Variants in EXT2 observed in about 807,000 individuals in gnomAD.
The protein encoded by EXT2 is exostosin-2.
In EXT2, 53 loss-of-function variants were observed where a neutral mutation model predicts 81.6. The observed-to-expected ratio is 0.65, with a 90% confidence interval of 0.52 to 0.82. The LOEUF is 0.82. Ranked by LOEUF, EXT2 falls within the 40% of genes least tolerant of loss-of-function variation. The pLI is 0.00. For synonymous variants in EXT2, 320 were observed against 340.0 expected, an observed-to-expected ratio of 0.94 and a Z score of 0.65; for missense variants, 774 against 910.2, an observed-to-expected ratio of 0.85 and a Z score of 1.93.
chr11:44,226,842 C>A (rs1188764088), intron 10 of EXT2, among the ~76,000 whole-genome samples: 1 of 152,256 alleles, frequency 6.6e-6, no homozygotes, highest in East Asian at 1.9e-4. Flanking sequence ...AGCTCTGTTG[C>A]ACTTTAATGG....
chr11:44,186,104 A>G (rs1043384725), intron 8 of EXT2, among the ~76,000 whole-genome samples: 2 of 152,234 alleles, frequency 1.3e-5, no homozygotes, highest in East Asian at 1.9e-4. Context: ...TAGCAGGTCC[A>G]AGGATGATGA....
intron 7 of EXT2, among the ~76,000 whole-genome samples, chr11:44,142,893 G>C (rs1463157066): frequency 6.6e-6 from 1 of 152,206 alleles, no homozygotes; most frequent in Non-Finnish European, 1.5e-5. Context: ...TGCCTAGCAA[G>C]CTATAAATGA....
intron 12 of EXT2, among the ~76,000 whole-genome samples, chr11:44,235,225 CTTTTTTTTTTTTT>C (rs35214626): frequency 5.9e-5 from 3 of 50,768 alleles, no homozygotes; most frequent in East Asian, 6.7e-4. Flanking sequence ...CCCAAATTTG[CTTTTTTTTTTTTT>C]TTTTTTTTTT....
chr11:44,123,148 G>T (rs146922294), intron 4 of EXT2, among the ~76,000 whole-genome samples: 153 of 152,278 alleles, frequency 1.0e-3, no homozygotes, highest in African/African-American at 3.4e-3. Context: ...TGCTTTATGT[G>T]ATTTGGACCT....
intron 9 of EXT2, among the ~76,000 whole-genome samples, chr11:44,201,915 C>T (rs1265661316): frequency 6.6e-6 from 1 of 152,068 alleles, no homozygotes; most frequent in Non-Finnish European, 1.5e-5. Flanking sequence ...TTCTGGCCTC[C>T]ACGAAAGGGA....
rs369933447 is a variant in EXT2 at position 44,126,997 on chromosome 11, C to A, written c.1079+42C>A. On this transcript the variant is annotated intron_variant, in intron 6 of 13. Transcript: ENST00000533608. Reference sequence around the variant, plus strand: ...AGTAAACTCTACATTAGTGGTTCTGCGTATATTACAAATAAAATCTCCTCA... The same window carrying A: ...AGTAAACTCTACATTAGTGGTTCTGAGTATATTACAAATAAAATCTCCTCA... 2.4e-5 allele frequency: 38 copies of A among 1,609,886 alleles called. No individual in the cohort carries two copies. In the Middle Eastern group the frequency reaches 6.7e-4, roughly 28 times the overall value.
At chr11:44,096,293 C>T in intron 1 of EXT2, 1 of 1,535,946 alleles carries the variant, frequency 6.5e-7, no homozygotes, top group Non-Finnish European at 8.7e-7. Context: ...CTGCGGCATC[C>T]CTTGCGGTGC....
intron 7 of EXT2, among the ~76,000 whole-genome samples, chr11:44,149,562 A>T (rs748025727): frequency 4.3e-4 from 65 of 152,320 alleles, no homozygotes; most frequent in Non-Finnish European, 7.2e-4. Context: ...ACCTTGTCTA[A>T]AAACTCTTGT....
intron 7 of EXT2, among the ~76,000 whole-genome samples, chr11:44,133,036 CA>C (rs989326071): frequency 5.3e-5 from 8 of 152,302 alleles, no homozygotes; most frequent in African/African-American, 1.9e-4. Context: ...CCCCTCCCCT[CA>C]GTTGTGATCA....
chr11:44,198,828 G>A (rs1955489282), intron 9 of EXT2, among the ~76,000 whole-genome samples: 1 of 152,164 alleles, frequency 6.6e-6, no homozygotes, highest in Admixed American at 6.5e-5. Flanking sequence ...CACTTTTTAT[G>A]GCTAGTCTCT....
chr11:44,148,830 A>G (rs1046848514), intron 7 of EXT2, among the ~76,000 whole-genome samples: 4 of 152,278 alleles, frequency 2.6e-5, no homozygotes, highest in African/African-American at 7.2e-5. Flanking sequence ...GATGGTGAGC[A>G]TCGTCATTAT....
chr11:44,101,531 G>A (rs1044345554), intron 1 of EXT2, among the ~76,000 whole-genome samples: 5 of 152,144 alleles, frequency 3.3e-5, no homozygotes, highest in South Asian at 2.1e-4. Flanking sequence ...CAATAAATGC[G>A]GTGGAGGCAT....
At chr11:44,228,098 T>C (rs1307448876) in intron 10 of EXT2, among the ~76,000 whole-genome samples, 1 of 152,222 alleles carries the variant, frequency 6.6e-6, no homozygotes, top group African/African-American at 2.4e-5. Flanking sequence ...ATCCAAATTA[T>C]TGCTAAGTCC....
At chr11:44,236,235 C>A in intron 12 of EXT2, 58 bp from the exon 13 acceptor site, 1 of 1,481,492 alleles carries the variant, frequency 6.7e-7, no homozygotes, top group Non-Finnish European at 9.4e-7. Context: ...GTGTCACAAG[C>A]ATGATTTTAT....
chr11:44,194,365 A>G (rs1236582516), intron 8 of EXT2, among the ~76,000 whole-genome samples: 1 of 152,214 alleles, frequency 6.6e-6, no homozygotes, highest in African/African-American at 2.4e-5. Context: ...TTTTATTAAC[A>G]AGGATCAAGA....
At chr11:44,140,190 A>G (rs1954627090) in intron 7 of EXT2, among the ~76,000 whole-genome samples, 1 of 152,176 alleles carries the variant, frequency 6.6e-6, no homozygotes, top group Non-Finnish European at 1.5e-5. Context: ...CAGGTTTGCA[A>G]TGAATTTTTT....
chr11:44,103,556 C>T (rs1954015135), intron 1 of EXT2: 3 of 366,014 alleles, frequency 8.2e-6, no homozygotes, highest in Admixed American at 4.2e-5. Context: ...TGAAGTGTTT[C>T]CTCTTTTTTT....
intron 10 of EXT2, among the ~76,000 whole-genome samples, chr11:44,222,942 A>G (rs189520316): frequency 6.6e-6 from 1 of 152,392 alleles, no homozygotes; most frequent in Non-Finnish European, 1.5e-5. Flanking sequence ...TCAACAATGA[A>G]AAAACAAATA....
chr11:44,096,815 T>A (rs1953905346), intron 1 of EXT2, among the ~76,000 whole-genome samples: 1 of 152,256 alleles, frequency 6.6e-6, no homozygotes, highest in African/African-American at 2.4e-5. Flanking sequence ...TGTGAAGATA[T>A]GGTCTTGAAA....
Sources: gnomAD v4.1 joint callset for allele counts (sites outside exome capture counted in the v4.1 genomes callset) on GRCh38, gnomAD v4.1.1 for gene constraint, MANE v1.5 for transcripts, NCBI Gene and HGNC (gene_info 2026-07-23, HGNC 2026-07-21) for gene names.